KIRREL3: variants seen among roughly 807,000 people sequenced by gnomAD.
KIRREL3 encodes kin of IRRE-like protein 3.
A neutral mutation model predicts 89.7 loss-of-function variants in KIRREL3; 36 were observed. That is an observed-to-expected ratio of 0.40 (90% confidence interval 0.31 to 0.53). The LOEUF (loss-of-function observed/expected upper bound fraction) is 0.53. KIRREL3 is among the 20% of genes least tolerant of loss of function. The pLI is 0.49. For missense variants in KIRREL3, 864 were observed against 1,056.6 expected, an observed-to-expected ratio of 0.82 and a Z score of 2.53; for synonymous variants, 445 against 441.4, an observed-to-expected ratio of 1.01 and a Z score of -0.10.
chr11:126,910,407 T>C (rs936569532), intron 1 of KIRREL3, among the ~76,000 whole-genome samples: 1 of 152,146 alleles, frequency 6.6e-6, no homozygotes. Context: ...TTGAAGCTTC[T>C]GATTAGGACT....
intron 1 of KIRREL3, among the ~76,000 whole-genome samples, chr11:126,721,567 A>G (rs1222890041): frequency 2.0e-5 from 3 of 151,978 alleles, no homozygotes; most frequent in African/African-American, 7.2e-5. Flanking sequence ...AGGAATAAAT[A>G]AGATAACACA....
At chr11:126,825,410 T>C (rs1291452492) in intron 1 of KIRREL3, among the ~76,000 whole-genome samples, 1 of 152,198 alleles carries the variant, frequency 6.6e-6, no homozygotes, top group Non-Finnish European at 1.5e-5. Flanking sequence ...AACAAATTTG[T>C]GGTATGGTAA....
At chr11:126,442,348 AC>A (rs769275925) in intron 10 of KIRREL3, among the ~76,000 whole-genome samples, 6,785 of 142,552 alleles carry the variant, frequency 0.048, 195 homozygotes, top group Non-Finnish European at 0.063. Context: ...ACACACACAC[AC>A]ACACAAAACC....
chr11:126,790,408 C>T (rs978043095), intron 1 of KIRREL3, among the ~76,000 whole-genome samples: 1 of 152,192 alleles, frequency 6.6e-6, no homozygotes, highest in African/African-American at 2.4e-5. Flanking sequence ...AGCTTGATGA[C>T]ATTGGTCATC....
intron 4 of KIRREL3, among the ~76,000 whole-genome samples, chr11:126,506,982 C>T (rs549372348): frequency 8.6e-5 from 13 of 151,908 alleles, no homozygotes; most frequent in Admixed American, 2.6e-4. Flanking sequence ...TGCCGACTGG[C>T]GAATGGATAA....
chr11:126,497,159 A>T (rs1447840837), intron 4 of KIRREL3, among the ~76,000 whole-genome samples: 1 of 151,152 alleles, frequency 6.6e-6, no homozygotes, highest in Non-Finnish European at 1.5e-5. Flanking sequence ...AGAGTGTGAG[A>T]GTGTGCATGT....
Position 126,565,166 on chromosome 11 carries a change from C to A in KIRREL3, c.56-2254G>T, listed in dbSNP as rs566909793. ...GCTGGTCTTCTGGACTGTGACTGAA[C>A]GCTCAGGCAAATGGAAGGGCGAACA... On this transcript the variant is annotated intron_variant, in intron 1 of 16. Transcript: ENST00000525144. The surrounding 1 kb of genome is among the most constrained non-coding windows in gnomAD (Gnocchi z 5.4). Among the ~76,000 whole-genome samples, 5 of 152,184 alleles carry A rather than the reference C, an allele frequency of 3.3e-5. No individual in the cohort carries two copies. The highest frequency in any genetic ancestry group is 7.4e-5 in the Non-Finnish European group (5 of 68,002).
chr11:126,769,042 G>A lies in KIRREL3; in HGVS notation c.56-206130C>T, dbSNP rs942929044. On this transcript the variant is annotated intron_variant, in intron 1 of 16. Coordinates refer to ENST00000525144, the MANE Select transcript of KIRREL3 (RefSeq NM_032531.4). The surrounding 1 kb of genome is among the most constrained non-coding windows in gnomAD (Gnocchi z 4.3). Reference sequence around the variant, plus strand: ...ACATTTCCATGCCTCTGCATAGGCTGTCCCCTGGGGTCTCCTTTCCGCATC... The same window carrying A: ...ACATTTCCATGCCTCTGCATAGGCTATCCCCTGGGGTCTCCTTTCCGCATC... Among the ~76,000 whole-genome samples the A allele has an allele frequency of 3.3e-5, 5 of 152,140 alleles. No individual in the cohort carries two copies. Among genetic ancestry groups the A allele is most frequent in the African/African-American group, 1.2e-4 (5 of 41,416 alleles).
chr11:126,524,331 G>C (rs987582143), intron 3 of KIRREL3, among the ~76,000 whole-genome samples: 8 of 152,206 alleles, frequency 5.3e-5, no homozygotes, highest in Admixed American at 3.3e-4. Context: ...TATGTCATAA[G>C]GTCAGGTGGC....
chr11:126,491,338 G>A lies in KIRREL3; in HGVS notation c.434-17872C>T, dbSNP rs559186812. ...GGGCGGGCGCGTGCTGGCTCTGAGC[G>A]GGTGCTTTATTGTGTGATGGGTGGG... On this transcript the variant is annotated intron_variant, in intron 4 of 16. Transcript: ENST00000525144. This position sits in a 1 kb window ranked among gnomAD's most constrained non-coding sequence, Gnocchi z 5.5. Among the ~76,000 whole-genome samples the A allele has an allele frequency of 6.6e-5, 10 of 152,342 alleles. No homozygotes were observed. The highest frequency in any genetic ancestry group is 4.6e-4 in the Admixed American group (7 of 15,310).
intron 1 of KIRREL3, among the ~76,000 whole-genome samples, chr11:126,679,674 A>G (rs1946361999): frequency 1.3e-5 from 2 of 152,212 alleles, no homozygotes; most frequent in Non-Finnish European, 2.9e-5. Context: ...GGTTGGCATA[A>G]TAGTACTCAG....
intron 1 of KIRREL3, among the ~76,000 whole-genome samples, chr11:126,942,519 C>T (rs1007331228): frequency 5.9e-5 from 9 of 152,158 alleles, no homozygotes; most frequent in African/African-American, 9.7e-5. Context: ...GTGGAAGTCC[C>T]GGCTGCCCAG....
chr11:126,884,056 A>T (rs535856581), intron 1 of KIRREL3, among the ~76,000 whole-genome samples: 1 of 152,166 alleles, frequency 6.6e-6, no homozygotes, highest in Admixed American at 6.5e-5. Context: ...CAATCTTAAC[A>T]CTCTATGAGG....
chr11:126,975,938 C>CCCTCCCTCCCTCCCTACCTT (rs767405296), intron 1 of KIRREL3, among the ~76,000 whole-genome samples: 1 of 104,300 alleles, frequency 9.6e-6, no homozygotes, highest in Non-Finnish European at 1.9e-5. Context: ...CTCCCTCCCT[C>CCCTCCCTCCCTCCCTACCTT]CCTTCCTTCC....
chr11:126,446,740 G>A lies in KIRREL3; in HGVS notation c.1125+19C>T, dbSNP rs755974086. 18 of 1,592,042 alleles carry A rather than the reference G, an allele frequency of 1.1e-5. No homozygotes were observed. In the Admixed American group the frequency reaches 2.8e-4, roughly 25 times the overall value. ...CGCCCCCTGCCAGAGGTGCCCCGAG[G>A]TCTGAGCTGCAGCCTCACCACTCCG... On this transcript the variant is annotated intron_variant, in intron 9 of 16. Transcript: ENST00000525144.
At chr11:126,450,580 C>A (rs1004031868) in intron 7 of KIRREL3, among the ~76,000 whole-genome samples, 1 of 136,376 alleles carries the variant, frequency 7.3e-6, no homozygotes, top group Non-Finnish European at 1.6e-5. Flanking sequence ...TGCATGTGTG[C>A]ATGTGCATGT....
rs1417390980 is a variant in KIRREL3 at position 126,905,115 on chromosome 11, T to A, written c.55+95340A>T. Reference sequence around the variant, plus strand: ...TGTCTATGAAGACAGCTGTGTGTCATCAACAGAAGGTTCTCATACCACACA... The same window carrying A: ...TGTCTATGAAGACAGCTGTGTGTCAACAACAGAAGGTTCTCATACCACACA... On this transcript the variant is annotated intron_variant, in intron 1 of 16. Transcript: ENST00000525144. The surrounding 1 kb of genome is among the most constrained non-coding windows in gnomAD (Gnocchi z 5.0). 6.6e-6 allele frequency among the ~76,000 whole-genome samples: 1 copy of A among 152,162 alleles called. No individual in the cohort carries two copies. The highest frequency in any genetic ancestry group is 1.5e-5 in the Non-Finnish European group (1 of 68,022).
intron 1 of KIRREL3, among the ~76,000 whole-genome samples, chr11:126,757,205 T>G (rs1949531810): frequency 6.6e-6 from 1 of 151,956 alleles, no homozygotes; most frequent in Admixed American, 6.6e-5. Context: ...GGAGGAAAAT[T>G]AAAAGCTGTG....
chr11:126,468,415 G>A (rs1318813809), intron 5 of KIRREL3, among the ~76,000 whole-genome samples: 1 of 152,272 alleles, frequency 6.6e-6, no homozygotes, highest in Admixed American at 6.5e-5. Context: ...CCATCCGGCA[G>A]TGTGGCTCGC....
Sources: allele counts gnomAD v4.1 joint callset (sites outside exome capture counted in the v4.1 genomes callset), GRCh38; gene constraint gnomAD v4.1.1; non-coding constraint Gnocchi (gnomAD v3.1); transcripts MANE v1.5; gene names NCBI Gene and HGNC (gene_info 2026-07-23, HGNC 2026-07-21).